The following KMT2A variants were observed in gnomAD, a reference collection of about 807,000 sequenced individuals.
The protein encoded by KMT2A is histone-lysine N-methyltransferase 2A.
Under a neutral mutation model 345.3 loss-of-function variants are expected in KMT2A, and 16 were observed. The ratio of observed to expected loss-of-function variants is 0.05; its 90% CI spans 0.03 to 0.07. The LOEUF (loss-of-function observed/expected upper bound fraction) is 0.07. KMT2A is among the 10% of genes least tolerant of loss of function. The pLI, the probability that KMT2A is intolerant of heterozygous loss-of-function variation, is 1.00. For missense variants in KMT2A, 3,272 were observed against 4,841.6 expected (o/e 0.68, Z 9.62); for synonymous variants, 1,599 against 1,778.6 (o/e 0.90, Z 2.54).
chr11:118,522,562 A>G lies in KMT2A; in HGVS notation c.*390A>G, dbSNP rs531618181. On this transcript the variant is annotated 3_prime_UTR_variant, in exon 36 of 36. Transcript: ENST00000534358. The surrounding 1 kb of genome is among the most constrained non-coding windows in gnomAD (Gnocchi z 5.4). ...AGGTTGGCCCTTTCCCAAGCACTGT[A>G]AGTGAGTGGGTCAGGCAAAGCCCCA... 2.4e-5 allele frequency: 6 copies of G among 254,268 alleles called. No homozygotes were observed. Among genetic ancestry groups the G allele is most frequent in the Non-Finnish European group, 2.3e-5 (3 of 129,292 alleles). The allele number at this position is 254,268 out of a possible 1,614,324, so 15.8% of individuals were successfully genotyped here.
intron 31 of KMT2A, among the ~76,000 whole-genome samples, chr11:118,517,877 TTTTGTTTG>T (rs372947697): frequency 1.3e-5 from 2 of 152,062 alleles, no homozygotes; most frequent in Admixed American, 6.5e-5. Flanking sequence ...ACAACATTCT[TTTTGTTTG>T]TTTGTTTGTT....
chr11:118,522,345 C>G lies in KMT2A; in HGVS notation c.*173C>G, dbSNP rs1950988651. On this transcript the variant is annotated 3_prime_UTR_variant, in exon 36 of 36. Transcript: ENST00000534358. The surrounding 1 kb of genome is among the most constrained non-coding windows in gnomAD (Gnocchi z 5.4). Reference sequence around the variant, plus strand: ...CTCACATCAGACATGTGATCATAGTCCCAGAGACAGAGTTGAGGTCTCGAA... The same window carrying G: ...CTCACATCAGACATGTGATCATAGTGCCAGAGACAGAGTTGAGGTCTCGAA... 9.5e-6 allele frequency: 6 copies of G among 632,704 alleles called. No individual in the cohort carries two copies. The South Asian group carries it at 1.2e-4, about 13-fold the overall frequency. 39.2% of individuals were successfully genotyped at this position (632,704 alleles called of 1,614,324 possible).
Position 118,477,995 on chromosome 11 carries a change from T to C in KMT2A, c.3363T>C (p.Asp1121=). The change falls in exon 5 of 36, where the codon GAT becomes GAC. Residue 1121 remains aspartate, a synonymous_variant. Transcript: ENST00000534358. ...DDKSSIAGSE[D]AEPLAPPIKP... ...AGTCATCAATTGCTGGCTCAGAAGA[T>C]GCTGAACCTCTTGCTCCACCCATCA... The C allele has an allele frequency of 6.2e-7, 1 of 1,614,150 alleles. No homozygotes were observed. Among genetic ancestry groups the C allele is most frequent in the Non-Finnish European group, 8.5e-7 (1 of 1,180,030 alleles).
chr11:118,493,227 T>G lies in KMT2A; in HGVS notation c.5175T>G (p.Ser1725=). ...KRKMDQGNYT[S]VLEFSDDIVK... ...AGATGGACCAAGGGAATTACACATC[T>G]GTGGTATGTTTCTACAGTGAGCCAT... The change falls in exon 16 of 36, where the codon TCT becomes TCG. Residue 1725 remains serine (S), a synonymous_variant. Transcript: ENST00000534358. This position sits in a 1 kb window ranked among gnomAD's most constrained non-coding sequence, Gnocchi z 5.8. The G allele has an allele frequency of 6.2e-7, 1 of 1,613,858 alleles. No homozygotes were observed. The highest frequency in any genetic ancestry group is 8.5e-7 in the Non-Finnish European group (1 of 1,179,746).
intron 8 of KMT2A, among the ~76,000 whole-genome samples, chr11:118,482,761 A>G (rs1355737864): frequency 2.1e-4 from 29 of 136,622 alleles, no homozygotes; most frequent in African/African-American, 6.7e-4. Flanking sequence ...ACAAAAAAAA[A>G]AAAAAGAAGA....
intron 31 of KMT2A, among the ~76,000 whole-genome samples, chr11:118,513,499 T>A (rs1036009259): frequency 6.6e-6 from 1 of 152,176 alleles, no homozygotes; most frequent in Non-Finnish European, 1.5e-5. Flanking sequence ...TTTGTTCATT[T>A]TATGTGACAG....
chr11:118,491,869 C>A lies in KMT2A; in HGVS notation c.4945C>A (p.Gln1649Lys). The change falls in exon 15 of 36, where the codon CAA becomes AAA. Residue 1649 changes from glutamine to lysine, a missense_variant. By Grantham distance (53) the Gln-to-Lys change is moderately conservative. This residue lies in a region of KMT2A where 66 missense variants were observed against 80.1 expected (regional missense o/e 0.82). Transcript: ENST00000534358. The surrounding 1 kb of genome is among the most constrained non-coding windows in gnomAD (Gnocchi z 4.2). ...LEKELQISLK[Q>K]VLTALLNSRT... ...AAAAGAGCTGCAGATTTCTCTGAAG[C>A]AAGTTCTGACAGCTTTGTTGAATTC... 6.2e-7 allele frequency: 1 copy of A among 1,614,070 alleles called. No homozygotes were observed. The highest frequency in any genetic ancestry group is 8.5e-7 in the Non-Finnish European group (1 of 1,180,024).
At chr11:118,444,908 T>G (rs1184527911) in intron 1 of KMT2A, among the ~76,000 whole-genome samples, 1 of 152,216 alleles carries the variant, frequency 6.6e-6, no homozygotes, top group Non-Finnish European at 1.5e-5. Flanking sequence ...TACCTCTGTT[T>G]CTTCATTTGT....
chr11:118,524,883 C>T lies in KMT2A; in HGVS notation c.*2711C>T. The T allele has an allele frequency of 5.2e-6, 1 of 193,462 alleles. No homozygotes were observed. The highest frequency in any genetic ancestry group is 8.2e-5 in the East Asian group (1 of 12,256). 12.0% of individuals were successfully genotyped at this position (193,462 alleles called of 1,614,324 possible). On this transcript the variant is annotated 3_prime_UTR_variant, in exon 36 of 36. Coordinates refer to ENST00000534358, the MANE Select transcript of KMT2A (RefSeq NM_001197104.2). ...GCTGTACTGTGAGCCCCTCCTCACT[C>T]TCTACCAACCCTAAACCCTGAGGAC...
At position 118,472,049 on chromosome 11, in the gene KMT2A, T is replaced by C. The variant is rs1247435499; in HGVS notation, c.890T>C (p.Val297Ala). The C allele has an allele frequency of 1.2e-6, 2 of 1,613,188 alleles. No homozygotes were observed. The highest frequency in any genetic ancestry group is 1.7e-6 in the Non-Finnish European group (2 of 1,179,870). The change falls in exon 3 of 36, where the codon GTA (valine) becomes GCA (alanine). Residue 297 changes from valine to alanine, a missense_variant. Physicochemically the swap from Val to Ala is moderately conservative, Grantham distance 64 (BLOSUM62 0). Around this residue, in one of 27 missense-constraint regions of KMT2A, gnomAD observed 412 missense variants for 511.0 expected, o/e 0.81. Coordinates refer to ENST00000534358, the MANE Select transcript of KMT2A (RefSeq NM_001197104.2). ...TGKLQIGRKG[V>A]QIVRRRGRPP... Reference sequence around the variant, plus strand: ...AAGCTTCAAATAGGAAGGAAGGGGGTACAAATTGTACGACGGAGAGGAAGG... The same window carrying C: ...AAGCTTCAAATAGGAAGGAAGGGGGCACAAATTGTACGACGGAGAGGAAGG...
Position 118,503,181 on chromosome 11 carries a change from A to C in KMT2A, c.7289A>C (p.Gln2430Pro). ...GGATCTAGTTCCAGAGATAGGAGAC[A>C]GAAAGGGAAAAAATCCTGTAAAGAA... ...HMGSSSRDRR[Q>P]KGKKSCKETF... Residue 2430 changes from glutamine (Q) to proline (P), a missense_variant, in exon 27 of 36, where the codon CAG (glutamine) becomes CCG (proline). Physicochemically the swap from Gln to Pro is moderately conservative, Grantham distance 76 (BLOSUM62 -1). This residue lies in a region of KMT2A where 445 missense variants were observed against 500.9 expected (regional missense o/e 0.89). Coordinates refer to ENST00000534358, the MANE Select transcript of KMT2A (RefSeq NM_001197104.2). This position sits in a 1 kb window ranked among gnomAD's most constrained non-coding sequence, Gnocchi z 5.3. The C allele has an allele frequency of 6.2e-7, 1 of 1,614,116 alleles. No homozygotes were observed. The highest frequency in any genetic ancestry group is 8.5e-7 in the Non-Finnish European group (1 of 1,179,974).
intron 26 of KMT2A, 30 bp downstream of exon 26, chr11:118,501,887 A>G (rs1950506969): frequency 6.4e-7 from 1 of 1,555,564 alleles, no homozygotes; most frequent in Non-Finnish European, 8.8e-7. Context: ...TACTTGACCT[A>G]AGAAGATCAG....
chr11:118,494,820 AG>A lies in KMT2A; in HGVS notation c.5363+54del. On this transcript the variant is annotated intron_variant, in intron 18 of 35. Coordinates refer to ENST00000534358, the MANE Select transcript of KMT2A (RefSeq NM_001197104.2). The surrounding 1 kb of genome is among the most constrained non-coding windows in gnomAD (Gnocchi z 5.8). ...TCTCCTCATCGGCTAGAAATCTGAG[AG>A]TTCTCATATTTCTAGATTGCAGTTT... The A allele has an allele frequency of 7.2e-7, 1 of 1,396,074 alleles. No homozygotes were observed. Among genetic ancestry groups the A allele is most frequent in the Non-Finnish European group, 1.0e-6 (1 of 987,872 alleles). The allele number at this position is 1,396,074 out of a possible 1,614,324, so 86.5% of individuals were successfully genotyped here. A position where few individuals can be genotyped will look rare whatever the true frequency, so the allele number is the denominator to read the frequency against.
rs1950351060 is a variant in KMT2A, at chr11:118,493,109, G to A, written c.5057G>A (p.Arg1686His). 8 of 1,613,920 alleles carry A rather than the reference G, an allele frequency of 5.0e-6. No homozygotes were observed. Among genetic ancestry groups the A allele is most frequent in the South Asian group, 3.3e-5 (3 of 91,066 alleles). The change falls in exon 16 of 36, where the codon CGC becomes CAC. Residue 1686 changes from arginine (R) to histidine (H), a missense_variant. Around this residue, in one of 27 missense-constraint regions of KMT2A, gnomAD observed 66 missense variants for 80.1 expected, o/e 0.82. Coordinates refer to ENST00000534358, the MANE Select transcript of KMT2A (RefSeq NM_001197104.2). The surrounding 1 kb of genome is among the most constrained non-coding windows in gnomAD (Gnocchi z 5.8). ...NPETEESIPSRSSPEGPDPPV... is the reference protein window; with the variant it reads ...NPETEESIPSHSSPEGPDPPV... ...GAGACAGAGGAGAGTATACCTTCCC[G>A]CAGCTCCCCCGAAGGACCTGATCCA...
At position 118,484,531 on chromosome 11, in the gene KMT2A, C is replaced by A. The variant is rs1195371602; in HGVS notation, c.4218+217C>A. On this transcript the variant is annotated intron_variant, in intron 9 of 35. Coordinates refer to ENST00000534358, the MANE Select transcript of KMT2A (RefSeq NM_001197104.2). The surrounding 1 kb of genome is among the most constrained non-coding windows in gnomAD (Gnocchi z 4.1). Reference sequence around the variant, plus strand: ...TGCAGAACATACATAATGAAACATTCCTATCCATCCTGAGCAGTATCAGAG... The same window carrying A: ...TGCAGAACATACATAATGAAACATTACTATCCATCCTGAGCAGTATCAGAG... Among the ~76,000 whole-genome samples, 4 of 152,238 alleles carry A rather than the reference C, an allele frequency of 2.6e-5. No homozygotes were observed. The East Asian group carries it at 7.7e-4, about 29-fold the overall frequency.
In KMT2A at chr11:118,503,774, T is replaced by C. The variant is rs1301598432; in HGVS notation, c.7882T>C (p.Ser2628Pro). ...RYPRRSARAR[S>P]NMFFGLTPLY... Reference sequence around the variant, plus strand: ...TCCCCGTCGCAGTGCCCGTGCACGTTCTAACATGTTTTTTGGGCTTACCCC... The same window carrying C: ...TCCCCGTCGCAGTGCCCGTGCACGTCCTAACATGTTTTTTGGGCTTACCCC... Residue 2628 changes from serine (S) to proline (P), a missense_variant, in exon 27 of 36, where the codon TCT becomes CCT. Around this residue, in one of 27 missense-constraint regions of KMT2A, gnomAD observed 21 missense variants for 74.6 expected, o/e 0.28. Transcript: ENST00000534358. This position sits in a 1 kb window ranked among gnomAD's most constrained non-coding sequence, Gnocchi z 5.3. The C allele has an allele frequency of 6.2e-7, 1 of 1,614,078 alleles. No homozygotes were observed. Among genetic ancestry groups the C allele is most frequent in the Non-Finnish European group, 8.5e-7 (1 of 1,180,040 alleles).
Position 118,491,238 on chromosome 11 carries a change from A to C in KMT2A, c.4739A>C (p.Asp1580Ala). The C allele has an allele frequency of 6.2e-7, 1 of 1,613,988 alleles. No homozygotes were observed. Among genetic ancestry groups the C allele is most frequent in the Non-Finnish European group, 8.5e-7 (1 of 1,179,896 alleles). ...TGTGACAAATGTTATGATGATGATG[A>C]CTATGAGAGTAAGATGATGCAATGT... ...PLCDKCYDDD[D>A]YESKMMQCGK... is the part of the protein sequence containing the mutation. Residue 1580 changes from aspartate (D) to alanine (A), a missense_variant, in exon 14 of 36, where the codon GAC becomes GCC. By Grantham distance (126) the Asp-to-Ala change is moderately radical (BLOSUM62 -2). Transcript: ENST00000534358. This position sits in a 1 kb window ranked among gnomAD's most constrained non-coding sequence, Gnocchi z 4.2.
chr11:118,494,156 G>C lies in KMT2A; in HGVS notation c.5179-132G>C. 1.6e-6 allele frequency: 1 copy of C among 629,762 alleles called. No homozygotes were observed. Among genetic ancestry groups the C allele is most frequent in the Non-Finnish European group, 2.9e-6 (1 of 348,038 alleles). 39.0% of individuals were successfully genotyped at this position (629,762 alleles called of 1,614,324 possible). A position where few individuals can be genotyped will look rare whatever the true frequency, so the allele number is the denominator to read the frequency against. On this transcript the variant is annotated intron_variant, in intron 16 of 35. Transcript: ENST00000534358. The surrounding 1 kb of genome is among the most constrained non-coding windows in gnomAD (Gnocchi z 5.8). ...GAATCTCAAAGGTCTCAGCCAAAGA[G>C]TATTATACCACATTAAAATAGGGTG...
At chr11:118,445,291 G>A (rs76651078) in intron 1 of KMT2A, among the ~76,000 whole-genome samples, 6,284 of 152,256 alleles carry the variant, frequency 0.041, 185 homozygotes, top group South Asian at 0.067. Context: ...AGAAGAAAGA[G>A]AACAAGATGG....
Sources: gnomAD v4.1 joint callset for allele counts (sites outside exome capture counted in the v4.1 genomes callset) on GRCh38, gnomAD v4.1.1 for gene constraint, gnomAD v4.1.1 regional missense constraint, Gnocchi (gnomAD v3.1) non-coding constraint, MANE v1.5 for transcripts, NCBI Gene and HGNC (gene_info 2026-07-23, HGNC 2026-07-21) for gene names.